Variants in MYO16 observed in about 807,000 individuals in gnomAD.
MYO16 encodes the protein myosin XVI.
MYO16 carries 94 observed loss-of-function variants against 205.3 expected under a neutral mutation model. The ratio of observed to expected loss-of-function variants is 0.46; its 90% confidence interval spans 0.39 to 0.54. The LOEUF is 0.54. Ranked by LOEUF, MYO16 falls within the 20% of genes least tolerant of loss-of-function variation. MYO16 has a pLI of 0.00. For missense variants in MYO16, 2,315 were observed against 2,387.5 expected, an observed-to-expected ratio of 0.97 and a Z score of 0.63; for synonymous variants, 988 against 954.0, an observed-to-expected ratio of 1.04 and a Z score of -0.66.
chr13:108,900,021 G>A (rs1375448066), intron 15 of MYO16, among the ~76,000 whole-genome samples: 2 of 152,194 alleles, frequency 1.3e-5, no homozygotes, highest in Non-Finnish European at 2.9e-5. Context: ...AGGAGGAGAA[G>A]CTCATCTGGG....
chr13:109,065,306 T>C (rs969359409), intron 27 of MYO16, among the ~76,000 whole-genome samples: 2 of 152,158 alleles, frequency 1.3e-5, no homozygotes, highest in Non-Finnish European at 2.9e-5. Flanking sequence ...AGCATCCATG[T>C]ATAGCCCCAA....
chr13:108,939,416 A>G (rs1882628598), intron 16 of MYO16, among the ~76,000 whole-genome samples: 1 of 152,160 alleles, frequency 6.6e-6, no homozygotes, highest in Non-Finnish European at 1.5e-5. Context: ...TATTAGTCAC[A>G]TGCCATCATT....
chr13:108,499,640 T>A, the MYO16 span, among the ~76,000 whole-genome samples: 153 of 152,316 alleles, frequency 1.0e-3, 1 homozygote, highest in African/African-American at 3.6e-3. Flanking sequence ...AACCAGGCCA[T>A]TAATTCCAAG....
At chr13:108,626,403 A>C (rs1051110798), upstream of MYO16, among the ~76,000 whole-genome samples, 1 of 152,290 alleles carries the variant, frequency 6.6e-6, no homozygotes, top group Admixed American at 6.5e-5. Context: ...GCATGGATTT[A>C]ATTTTGTACT....
At chr13:108,651,177 G>A (rs1202451278) in intron 1 of MYO16, among the ~76,000 whole-genome samples, 1 of 152,204 alleles carries the variant, frequency 6.6e-6, no homozygotes, top group Non-Finnish European at 1.5e-5. Context: ...GAACCTGGCC[G>A]GTGGGTGCCC....
upstream of MYO16, among the ~76,000 whole-genome samples, chr13:108,594,287 T>C (rs1594131362): frequency 1.3e-5 from 2 of 152,210 alleles, no homozygotes; most frequent in Non-Finnish European, 2.9e-5. Context: ...GTCTACATCC[T>C]GTAAGTCCCT....
intron 23 of MYO16, among the ~76,000 whole-genome samples, chr13:109,020,596 A>G (rs954027054): frequency 6.6e-6 from 1 of 152,178 alleles, no homozygotes; most frequent in Non-Finnish European, 1.5e-5. Flanking sequence ...AGCTTGATAT[A>G]TCTTCCTTGT....
intron 32 of MYO16, among the ~76,000 whole-genome samples, chr13:109,156,181 C>A (rs1878014691): frequency 6.6e-6 from 1 of 152,164 alleles, no homozygotes; most frequent in African/African-American, 2.4e-5. Context: ...AGCTAGACGC[C>A]AATTTCAGGT....
intron 1 of MYO16, among the ~76,000 whole-genome samples, chr13:108,660,621 A>G (rs1247930526): frequency 6.6e-6 from 1 of 152,134 alleles, no homozygotes; most frequent in East Asian, 1.9e-4. Flanking sequence ...GTCCATTTGC[A>G]TGAAATGCCT....
chr13:108,798,830 C>T (rs1191355759), intron 6 of MYO16, among the ~76,000 whole-genome samples: 1 of 147,158 alleles, frequency 6.8e-6, no homozygotes, highest in Admixed American at 6.8e-5. Context: ...CTCAGCCTCC[C>T]GAGTAGCTGG....
intron 6 of MYO16, among the ~76,000 whole-genome samples, chr13:108,804,980 A>G (rs1171464519): frequency 1.3e-5 from 2 of 152,302 alleles, no homozygotes; most frequent in African/African-American, 4.8e-5. Flanking sequence ...GTTAGTATCA[A>G]TTGCTAACCA....
chr13:108,844,456 A>G lies in MYO16; in HGVS notation c.1211A>G (p.Glu404Gly). 1.2e-6 allele frequency: 2 copies of G among 1,612,054 alleles called. No individual in the cohort carries two copies. Among genetic ancestry groups the G allele is most frequent in the Non-Finnish European group, 1.7e-6 (2 of 1,178,470 alleles). ...CAGCAGTCTCAGGACAGCATCCCTG[A>G]AAACCCCATGATGAGCGGTTCCACC... ...CKQQSQDSIP[E>G]NPMMSGSTKP... is the part of the protein sequence containing the mutation. The change falls in exon 10 of 35, where the codon GAA becomes GGA. Residue 404 changes from glutamate to glycine, a missense_variant. This residue lies in a region of MYO16 where 1,213 missense variants were observed against 1,274.4 expected (regional missense o/e 0.95). Transcript: ENST00000457511.
chr13:108,744,686 T>TTGA (rs1156997658), intron 4 of MYO16, among the ~76,000 whole-genome samples: 2 of 152,210 alleles, frequency 1.3e-5, no homozygotes, highest in Non-Finnish European at 2.9e-5. Flanking sequence ...TTTATCTTAC[T>TTGA]TCATATATCT....
chr13:109,088,622 T>C (rs2139684335), intron 27 of MYO16, among the ~76,000 whole-genome samples: 1 of 152,276 alleles, frequency 6.6e-6, no homozygotes, highest in East Asian at 1.9e-4. Context: ...ATAAAGTACA[T>C]GAATGAATCC....
chr13:108,570,946 C>G, the MYO16 span, among the ~76,000 whole-genome samples: 2,486 of 152,088 alleles, frequency 0.016, 56 homozygotes, highest in South Asian at 0.087. Context: ...TGAAAATTAG[C>G]TTTAAGGACA....
intron 33 of MYO16, among the ~76,000 whole-genome samples, chr13:109,174,443 C>T (rs1300766659): frequency 6.6e-6 from 1 of 152,078 alleles, no homozygotes; most frequent in Non-Finnish European, 1.5e-5. Context: ...CTAAACCACT[C>T]AGAATGCCAA....
At chr13:108,646,203 T>C (rs1020963928) in intron 1 of MYO16, among the ~76,000 whole-genome samples, 2 of 152,216 alleles carry the variant, frequency 1.3e-5, no homozygotes, top group African/African-American at 4.8e-5. Context: ...TTTTTTCCCT[T>C]GTTAAAATTT....
the MYO16 span, among the ~76,000 whole-genome samples, chr13:108,497,030 C>G: frequency 6.6e-6 from 1 of 152,136 alleles, no homozygotes; most frequent in Non-Finnish European, 1.5e-5. Context: ...TTACAACACG[C>G]GTTTGTCATG....
intron 1 of MYO16, among the ~76,000 whole-genome samples, chr13:108,645,029 AC>A (rs1880688168): frequency 6.6e-6 from 1 of 152,108 alleles, no homozygotes; most frequent in South Asian, 2.1e-4. Context: ...TTATCCCTGC[AC>A]CCCCAGGAAA....
Sources: gnomAD v4.1 joint callset for allele counts (sites outside exome capture counted in the v4.1 genomes callset) on GRCh38, gnomAD v4.1.1 for gene constraint, gnomAD v4.1.1 regional missense constraint, MANE v1.5 for transcripts, NCBI Gene and HGNC (gene_info 2026-07-23, HGNC 2026-07-21) for gene names.